RPRD1A: variants seen among roughly 807,000 people sequenced by gnomAD.
RPRD1A encodes the protein regulation of nuclear pre-mRNA domain containing 1A.
Under a neutral mutation model 37.8 loss-of-function variants are expected in RPRD1A, and 9 were observed. The ratio of observed to expected loss-of-function variants is 0.24; its 90% CI spans 0.14 to 0.42. The LOEUF is 0.42. Among genes scored for constraint, RPRD1A ranks in the 10% least tolerant of loss-of-function variants. RPRD1A has a pLI of 1.00. For missense variants in RPRD1A, 255 were observed against 371.0 expected (o/e 0.69, Z 2.57); for synonymous variants, 138 against 139.7 (o/e 0.99, Z 0.08).
At chr18:36,047,736 C>A (rs1242139429) in intron 1 of RPRD1A, among the ~76,000 whole-genome samples, 4 of 152,092 alleles carry the variant, frequency 2.6e-5, no homozygotes, top group Non-Finnish European at 5.9e-5. Context: ...TAAAATGGAC[C>A]ACTTCCTCAA....
chr18:35,999,359 T>C (rs939689932), intron 6 of RPRD1A, among the ~76,000 whole-genome samples: 9 of 152,214 alleles, frequency 5.9e-5, no homozygotes, highest in Admixed American at 5.2e-4. Context: ...TATTTTACAG[T>C]GCTGTGTGGC....
chr18:36,063,910 C>A (rs979701859), intron 1 of RPRD1A: 2 of 152,224 alleles, frequency 1.3e-5, no homozygotes, highest in Non-Finnish European at 2.9e-5. Flanking sequence ...ATCATCACTA[C>A]CACCCTCCTC....
intron 6 of RPRD1A, among the ~76,000 whole-genome samples, chr18:36,009,162 T>G (rs1457767799): frequency 6.6e-6 from 1 of 152,180 alleles, no homozygotes; most frequent in Non-Finnish European, 1.5e-5. Flanking sequence ...CACCTTTACT[T>G]AAAGTACAGA....
rs146816563 is a variant in RPRD1A, at chr18:36,065,597, A to G, written c.151+1657T>C. On this transcript the variant is annotated intron_variant, in intron 1 of 6. Coordinates refer to ENST00000399022, the MANE Select transcript of RPRD1A (RefSeq NM_018170.5). ...ACTTATTTCTAGAATATATTCCTAG[A>G]AAGAAAACTGCTAGGTCAAAGGATA... Among the ~76,000 whole-genome samples the G allele has an allele frequency of 3.3e-5, 5 of 152,356 alleles. No individual in the cohort carries two copies. The East Asian group carries it at 9.6e-4, about 29-fold the overall frequency.
At chr18:36,066,371 T>TA (rs1214483781) in intron 1 of RPRD1A, among the ~76,000 whole-genome samples, 1 of 152,204 alleles carries the variant, frequency 6.6e-6, no homozygotes, top group African/African-American at 2.4e-5. Context: ...TAACACTTGA[T>TA]AAAAAACCAT....
intron 1 of RPRD1A, among the ~76,000 whole-genome samples, chr18:36,062,070 C>G (rs1054965571): frequency 1.3e-5 from 2 of 152,048 alleles, no homozygotes; most frequent in African/African-American, 4.8e-5. Flanking sequence ...GTAATCCCAG[C>G]ACTTTGGGAG....
chr18:36,033,865 T>A, intron 1 of RPRD1A, 28 bp from the exon 2 acceptor site: 1 of 1,578,504 alleles, frequency 6.3e-7, no homozygotes, highest in Non-Finnish European at 8.6e-7. Flanking sequence ...GTTAAAAATC[T>A]ACTTAAAACA....
chr18:35,996,274 T>C (rs1204332041), intron 6 of RPRD1A, among the ~76,000 whole-genome samples: 1 of 152,202 alleles, frequency 6.6e-6, no homozygotes, highest in Non-Finnish European at 1.5e-5. Context: ...ACTTTTTTTT[T>C]TTAAAGAAAG....
At position 35,990,730 on chromosome 18, in the gene RPRD1A, C is replaced by T. The variant is rs1252635257; in HGVS notation, c.*2421G>A. On this transcript the variant is annotated 3_prime_UTR_variant, in exon 7 of 7. Coordinates refer to ENST00000399022, the MANE Select transcript of RPRD1A (RefSeq NM_018170.5). ...TGCCTCAGGTGCACAGTGGAGAAAA[C>T]GCTCATGATTTACAATTTGGTATTA... 5 of 152,164 alleles carry T rather than the reference C, an allele frequency of 3.3e-5. No homozygotes were observed. Among genetic ancestry groups the T allele is most frequent in the Middle Eastern group, 3.2e-3 (1 of 316 alleles). The allele number at this position is 152,164 out of a possible 1,614,324, so 9.4% of individuals were successfully genotyped here. A position where few individuals can be genotyped will look rare whatever the true frequency, so the allele number is the denominator to read the frequency against.
intron 6 of RPRD1A, among the ~76,000 whole-genome samples, chr18:35,998,381 TTAAAA>T (rs1397531664): frequency 2.0e-5 from 3 of 152,186 alleles, no homozygotes; most frequent in East Asian, 1.9e-4. Context: ...AATGTAACTA[TTAAAA>T]TAAATGTTCT....
chr18:36,030,750 G>A (rs1911718858), intron 4 of RPRD1A, 58 bp downstream of exon 4: 1 of 1,031,270 alleles, frequency 9.7e-7, no homozygotes, highest in Non-Finnish European at 1.5e-6. Flanking sequence ...AATTAATAAA[G>A]CTTGGTGGCA....
intron 1 of RPRD1A, among the ~76,000 whole-genome samples, chr18:36,061,088 A>G (rs1432186539): frequency 1.3e-5 from 2 of 152,234 alleles, no homozygotes. Context: ...CAGTGGCTGC[A>G]GGCCCAAGCC....
At chr18:36,066,648 A>C (rs2089036904) in intron 1 of RPRD1A, among the ~76,000 whole-genome samples, 1 of 152,238 alleles carries the variant, frequency 6.6e-6, no homozygotes, top group South Asian at 2.1e-4. Flanking sequence ...TAATCATAGA[A>C]TAGGAAAGGA....
chr18:36,033,183 T>C (rs1234098473), intron 2 of RPRD1A, among the ~76,000 whole-genome samples: 1 of 151,096 alleles, frequency 6.6e-6, no homozygotes, highest in Non-Finnish European at 1.5e-5. Context: ...GCACCTGTAA[T>C]TCCAGCTACT....
chr18:36,035,119 A>G (rs902690744), intron 1 of RPRD1A, among the ~76,000 whole-genome samples: 3 of 152,214 alleles, frequency 2.0e-5, no homozygotes, highest in Admixed American at 2.0e-4. Flanking sequence ...TGGTTAAGAT[A>G]TCGGGACCCT....
intron 1 of RPRD1A, among the ~76,000 whole-genome samples, chr18:36,036,834 A>G (rs760923695): frequency 6.6e-6 from 1 of 152,236 alleles, no homozygotes; most frequent in Non-Finnish European, 1.5e-5. Flanking sequence ...AAACCATGTC[A>G]TAATTCCACA....
At position 36,055,198 on chromosome 18, in the gene RPRD1A, T is replaced by C. The variant is rs1018607545; in HGVS notation, c.151+12056A>G. On this transcript the variant is annotated intron_variant, in intron 1 of 6. Transcript: ENST00000399022. ...TTTTTTGATAGTTTGGCAAAAATAC[T>C]GTCCTTGACAAAAATGATTTGCTAG... Among the ~76,000 whole-genome samples the C allele has an allele frequency of 1.3e-4, 20 of 152,246 alleles. No individual in the cohort carries two copies. The East Asian group carries it at 3.3e-3, about 25-fold the overall frequency.
intron 1 of RPRD1A, among the ~76,000 whole-genome samples, chr18:36,038,869 T>C (rs1789502): frequency 0.99 from 151,170 of 152,310 alleles, 75,027 homozygotes; most frequent in East Asian, 1. Context: ...CCTATACCCC[T>C]CTTGTTTTGG....
At chr18:36,014,221 T>A (rs1389746864) in intron 6 of RPRD1A, among the ~76,000 whole-genome samples, 1 of 152,198 alleles carries the variant, frequency 6.6e-6, no homozygotes, top group East Asian at 1.9e-4. Context: ...CTAGCAATTG[T>A]CCAGAAGATA....
Sources: gnomAD v4.1 joint callset for allele counts (sites outside exome capture counted in the v4.1 genomes callset) on GRCh38, gnomAD v4.1.1 for gene constraint, MANE v1.5 for transcripts, NCBI Gene and HGNC (gene_info 2026-07-23, HGNC 2026-07-21) for gene names.